The following SLC35F4 variants were observed in gnomAD, a reference collection of about 807,000 sequenced individuals.
SLC35F4 encodes the protein solute carrier family 35 member F4, also known as chromosome 14 open reading frame 36.
SLC35F4 carries 24 observed loss-of-function variants against 44.2 expected under a neutral mutation model. That is an observed-to-expected ratio of 0.54 (90% confidence interval 0.39 to 0.76). The LOEUF is 0.76. Among genes scored for constraint, SLC35F4 ranks in the 30% least tolerant of loss-of-function variants. The pLI is 0.00. For synonymous variants in SLC35F4, 238 were observed against 223.6 expected (o/e 1.06, Z -0.57); for missense variants, 562 against 586.1 (o/e 0.96, Z 0.42).
intron 1 of SLC35F4, among the ~76,000 whole-genome samples, chr14:57,826,149 C>T (rs575368785): frequency 6.6e-6 from 1 of 152,150 alleles, no homozygotes; most frequent in Non-Finnish European, 1.5e-5. Context: ...CAGCATGGTA[C>T]TGGTACAAAA....
chr14:57,571,186 T>C (rs1227889506), intron 5 of SLC35F4, among the ~76,000 whole-genome samples: 1 of 152,202 alleles, frequency 6.6e-6, no homozygotes, highest in Non-Finnish European at 1.5e-5. Context: ...AAGTTGACTT[T>C]AAAAGTAGAG....
chr14:57,744,618 G>A lies in SLC35F4; in HGVS notation c.103+121105C>T, dbSNP rs991130738. On this transcript the variant is annotated intron_variant, in intron 1 of 7. Coordinates refer to ENST00000556826, the MANE Select transcript of SLC35F4 (RefSeq NM_001306087.2). ...AAGAAAATTCCACGCTCATGGATAGGAAGAATCAATATCATGAAAATGGCC... is the reference window on the plus strand; with the variant it reads ...AAGAAAATTCCACGCTCATGGATAGAAAGAATCAATATCATGAAAATGGCC... Among the ~76,000 whole-genome samples, 64 of 152,208 alleles carry A rather than the reference G, an allele frequency of 4.2e-4. 2 individuals are homozygous for A. Among genetic ancestry groups the A allele is most frequent in the East Asian group, 3.3e-3 (17 of 5,168 alleles).
intron 1 of SLC35F4, among the ~76,000 whole-genome samples, chr14:57,793,239 T>A (rs915067482): frequency 1.3e-5 from 2 of 152,072 alleles, no homozygotes; most frequent in African/African-American, 2.4e-5. Context: ...GCTCATTTTT[T>A]AAAAACTTTT....
At chr14:57,904,705 C>T (rs952248990) in intron 1 of SLC35F4, among the ~76,000 whole-genome samples, 3 of 152,000 alleles carry the variant, frequency 2.0e-5, no homozygotes, top group East Asian at 1.9e-4. Flanking sequence ...AGGTGGATAC[C>T]GTTATTCTCT....
intron 1 of SLC35F4, among the ~76,000 whole-genome samples, chr14:57,827,267 C>T (rs1015230627): frequency 1.3e-5 from 2 of 152,058 alleles, no homozygotes; most frequent in African/African-American, 2.4e-5. Flanking sequence ...AACAGGAAAA[C>T]GAATATTGCA....
chr14:57,618,948 A>C (rs1487843379), intron 1 of SLC35F4, among the ~76,000 whole-genome samples: 2 of 152,184 alleles, frequency 1.3e-5, no homozygotes, highest in Admixed American at 6.5e-5. Flanking sequence ...GGTGGAGCCC[A>C]CCGCAGCTCA....
chr14:57,588,645 C>T (rs2069952356), intron 3 of SLC35F4, among the ~76,000 whole-genome samples: 1 of 152,180 alleles, frequency 6.6e-6, no homozygotes, highest in South Asian at 2.1e-4. Context: ...GACAAAGCCC[C>T]CATGTGCATC....
chr14:57,649,589 C>G (rs1056866295), intron 1 of SLC35F4, among the ~76,000 whole-genome samples: 2 of 152,270 alleles, frequency 1.3e-5, no homozygotes, highest in South Asian at 2.1e-4. Flanking sequence ...TAAGGTAACA[C>G]GTCCACAGGT....
At chr14:57,916,963 T>A (rs973424667) in intron 1 of SLC35F4, among the ~76,000 whole-genome samples, 3 of 152,198 alleles carry the variant, frequency 2.0e-5, no homozygotes, top group Non-Finnish European at 2.9e-5. Flanking sequence ...GAGTTTTTGA[T>A]CTCCATTATT....
At chr14:57,809,122 T>C (rs1457675374) in intron 1 of SLC35F4, among the ~76,000 whole-genome samples, 1 of 152,156 alleles carries the variant, frequency 6.6e-6, no homozygotes, top group East Asian at 1.9e-4. Context: ...ATCCATGTGG[T>C]CAGCAGAAAG....
At chr14:57,691,887 A>G (rs1198504687) in intron 1 of SLC35F4, among the ~76,000 whole-genome samples, 3 of 152,212 alleles carry the variant, frequency 2.0e-5, no homozygotes, top group South Asian at 2.1e-4. Flanking sequence ...AGTGAGATCA[A>G]TCTTGCAGGA....
chr14:57,738,018 A>G (rs1017971556), intron 1 of SLC35F4, among the ~76,000 whole-genome samples: 2 of 152,222 alleles, frequency 1.3e-5, no homozygotes, highest in Non-Finnish European at 2.9e-5. Context: ...GCAAGAAAAA[A>G]CATATAACTA....
intron 1 of SLC35F4, among the ~76,000 whole-genome samples, chr14:57,620,863 A>T (rs2072140060): frequency 6.6e-6 from 1 of 152,162 alleles, no homozygotes; most frequent in Non-Finnish European, 1.5e-5. Flanking sequence ...TTAGGAAAAG[A>T]GGAAGTCAAA....
At chr14:57,819,683 T>C (rs1304851271) in intron 1 of SLC35F4, among the ~76,000 whole-genome samples, 1 of 150,504 alleles carries the variant, frequency 6.6e-6, no homozygotes, top group Non-Finnish European at 1.5e-5. Context: ...CATGGTGGTG[T>C]GCGTCTGTAT....
chr14:57,843,803 CCAAA>C (rs1362244508), intron 1 of SLC35F4, among the ~76,000 whole-genome samples: 1 of 152,038 alleles, frequency 6.6e-6, no homozygotes, highest in Non-Finnish European at 1.5e-5. Context: ...CTCAAAATCC[CCAAA>C]CAATTTTAAT....
At chr14:57,713,728 G>C (rs547479887) in intron 1 of SLC35F4, among the ~76,000 whole-genome samples, 122 of 152,174 alleles carry the variant, frequency 8.0e-4, no homozygotes, top group African/African-American at 2.7e-3. Flanking sequence ...TCTGACCTAG[G>C]GTACGTGCTC....
chr14:57,969,926 C>A (rs1881004962), intron 1 of SLC35F4, among the ~76,000 whole-genome samples: 1 of 152,134 alleles, frequency 6.6e-6, no homozygotes, highest in Non-Finnish European at 1.5e-5. Flanking sequence ...TGGGAGCCCC[C>A]ACAAAAGTCT....
chr14:57,946,397 T>C (rs183597190), intron 1 of SLC35F4, among the ~76,000 whole-genome samples: 31 of 152,114 alleles, frequency 2.0e-4, no homozygotes, highest in Admixed American at 7.2e-4. Context: ...TTCTCCACTT[T>C]ATGTTTTTGT....
chr14:57,937,785 G>C (rs370262143), intron 1 of SLC35F4, among the ~76,000 whole-genome samples: 1 of 152,134 alleles, frequency 6.6e-6, no homozygotes, highest in African/African-American at 2.4e-5. Flanking sequence ...GAAGGTGAAC[G>C]TCTGGGCAGA....
Sources: gnomAD v4.1 joint callset for allele counts (sites outside exome capture counted in the v4.1 genomes callset) on GRCh38, gnomAD v4.1.1 for gene constraint, MANE v1.5 for transcripts, NCBI Gene and HGNC (gene_info 2026-07-23, HGNC 2026-07-21) for gene names.